The following EPHA5 variants were observed in gnomAD, a reference collection of about 807,000 sequenced individuals.
EPHA5 encodes the protein EPH receptor A5, also known as ephrin type-A receptor 5.
A neutral mutation model predicts 105.0 loss-of-function variants in EPHA5; 60 were observed. The ratio of observed to expected loss-of-function variants is 0.57; its 90% CI spans 0.46 to 0.71. The LOEUF (loss-of-function observed/expected upper bound fraction) is 0.71. Among genes scored for constraint, EPHA5 ranks in the 30% least tolerant of loss-of-function variants. EPHA5 has a pLI of 0.00. For synonymous variants in EPHA5, 513 were observed against 449.1 expected (o/e 1.14, Z -1.80); for missense variants, 1,218 against 1,274.7 (o/e 0.96, Z 0.68).
At chr4:65,365,887 A>T in intron 10 of EPHA5, 45 bp downstream of exon 10, 1 of 1,581,866 alleles carries the variant, frequency 6.3e-7, no homozygotes, top group South Asian at 1.1e-5. Context: ...TACATTCTGG[A>T]ATGCAAACAA....
chr4:65,541,007 C>T (rs962708588), intron 3 of EPHA5, among the ~76,000 whole-genome samples: 4 of 151,182 alleles, frequency 2.6e-5, no homozygotes, highest in Non-Finnish European at 5.9e-5. Flanking sequence ...AAAATACAAC[C>T]ATAATATCTC....
At chr4:65,503,893 C>T (rs80211850) in intron 3 of EPHA5, among the ~76,000 whole-genome samples, 6,329 of 131,286 alleles carry the variant, frequency 0.048, 218 homozygotes, top group African/African-American at 0.099. Flanking sequence ...ATTTTAATAG[C>T]ATTCATGTGT....
intron 2 of EPHA5, among the ~76,000 whole-genome samples, chr4:65,637,597 T>TATATATATAC (rs889288051): frequency 2.8e-5 from 4 of 144,534 alleles, no homozygotes; most frequent in African/African-American, 5.1e-5. Flanking sequence ...TATATATATA[T>TATATATATAC]ACGTATATGC....
intron 8 of EPHA5, among the ~76,000 whole-genome samples, chr4:65,392,318 T>C (rs1410697246): frequency 6.6e-6 from 1 of 152,148 alleles, no homozygotes; most frequent in Non-Finnish European, 1.5e-5. Context: ...TATTGCTAAC[T>C]CATAAGCTTC....
intron 3 of EPHA5, among the ~76,000 whole-genome samples, chr4:65,568,636 C>T (rs998919435): frequency 1.3e-5 from 2 of 150,490 alleles, no homozygotes; most frequent in Non-Finnish European, 3.0e-5. Context: ...TACTATCATC[C>T]CATTTTCAAA....
At chr4:65,416,182 A>G (rs1723365159) in intron 6 of EPHA5, among the ~76,000 whole-genome samples, 1 of 152,070 alleles carries the variant, frequency 6.6e-6, no homozygotes, top group Non-Finnish European at 1.5e-5. Context: ...ATTCTGATAG[A>G]CTTTATAAAA....
intron 1 of EPHA5, among the ~76,000 whole-genome samples, chr4:65,657,863 G>A (rs1749204604): frequency 7.0e-6 from 1 of 142,662 alleles, no homozygotes; most frequent in African/African-American, 2.7e-5. Flanking sequence ...TTACAGACAG[G>A]CAAGCTTTCT....
Position 65,490,472 on chromosome 4 carries a change from T to A in EPHA5, c.1307A>T (p.Asn436Ile), listed in dbSNP as rs2149212710. The A allele has an allele frequency of 6.2e-7, 1 of 1,614,162 alleles. No individual in the cohort carries two copies. Among genetic ancestry groups the A allele is most frequent in the Non-Finnish European group, 8.5e-7 (1 of 1,180,022 alleles). ...CACTGCCTCAATCTCAAAGGTATAG[T>A]TTGTGTGAGCGAGTAGATCCACCAT... ...VMMVDLLAHTNYTFEIEAVNG... is the reference protein window; with the variant it reads ...VMMVDLLAHTIYTFEIEAVNG... Residue 436 changes from asparagine to isoleucine, a missense_variant, in exon 5 of 17, where the codon AAC becomes ATC. Physicochemically the swap from Asn to Ile is moderately radical, Grantham distance 149 (BLOSUM62 -3). This residue lies in a region of EPHA5 where 971 missense variants were observed against 1,013.5 expected (regional missense o/e 0.96). Coordinates refer to ENST00000613740, the MANE Select transcript of EPHA5 (RefSeq NM_001281766.3).
intron 3 of EPHA5, among the ~76,000 whole-genome samples, chr4:65,554,401 C>T (rs981060157): frequency 2.7e-5 from 4 of 150,696 alleles, no homozygotes; most frequent in African/African-American, 7.3e-5. Context: ...CTTTATTAAC[C>T]AAATAATGAT....
intron 1 of EPHA5, among the ~76,000 whole-genome samples, chr4:65,659,319 G>GAAAAAAAAAAAAA (rs5858980): frequency 1.4e-5 from 1 of 71,612 alleles, no homozygotes; most frequent in African/African-American, 5.3e-5. Context: ...TAGAGTAACA[G>GAAAAAAAAAAAAA]AAAAAAAAAA....
chr4:65,528,124 G>A (rs1735415824), intron 3 of EPHA5, among the ~76,000 whole-genome samples: 1 of 151,914 alleles, frequency 6.6e-6, no homozygotes, highest in African/African-American at 2.4e-5. Flanking sequence ...ATAACAAAAT[G>A]TTTCCTAACC....
chr4:65,492,983 G>GTTTT (rs1483425055), intron 4 of EPHA5, among the ~76,000 whole-genome samples: 1 of 64,312 alleles, frequency 1.6e-5, no homozygotes. Context: ...CTTCTGTTTT[G>GTTTT]TTTTGTTTTG....
intron 1 of EPHA5, among the ~76,000 whole-genome samples, chr4:65,654,799 C>G (rs1471968630): frequency 6.9e-6 from 1 of 145,748 alleles, no homozygotes; most frequent in Non-Finnish European, 1.5e-5. Flanking sequence ...TGTTATAAAT[C>G]CTAAATTAGA....
chr4:65,485,276 C>A (rs774441026), intron 5 of EPHA5, among the ~76,000 whole-genome samples: 2 of 151,634 alleles, frequency 1.3e-5, no homozygotes, highest in African/African-American at 4.8e-5. Context: ...TATCATTTTT[C>A]CCTTCATCAT....
At chr4:65,522,425 T>C (rs2149283663) in intron 3 of EPHA5, among the ~76,000 whole-genome samples, 1 of 151,770 alleles carries the variant, frequency 6.6e-6, no homozygotes, top group African/African-American at 2.4e-5. Flanking sequence ...GAAAAGAATT[T>C]TGTGCACTCA....
chr4:65,454,291 A>AAAT lies in EPHA5; in HGVS notation c.1403-33729_1403-33727dup, dbSNP rs572468101. Reference sequence around the variant, plus strand: ...GCAAAACTCCATCTCTAATAATAATAAATAATAATAATAATAATAATATGA... The same window carrying AAAT: ...GCAAAACTCCATCTCTAATAATAATAAATAATAATAATAATAATAATAATATGA... On this transcript the variant is annotated intron_variant, in intron 5 of 16. Transcript: ENST00000613740. Among the ~76,000 whole-genome samples, 756 of 149,926 alleles carry AAAT rather than the reference A, an allele frequency of 5.0e-3. 6 individuals carry two copies. The highest frequency in any genetic ancestry group is 0.017 in the African/African-American group (681 of 41,032).
At chr4:65,468,604 T>C (rs4860667) in intron 5 of EPHA5, among the ~76,000 whole-genome samples, 314 of 1,520 alleles carry the variant, frequency 0.21, 6 homozygotes, top group Non-Finnish European at 0.41. Context: ...ATATATATAT[T>C]ATATATATTA....
chr4:65,364,947 C>T (rs1025899197), intron 11 of EPHA5, 70 bp downstream of exon 11: 79 of 1,289,502 alleles, frequency 6.1e-5, no homozygotes, highest in Non-Finnish European at 7.9e-5. Flanking sequence ...TCTCTTTACC[C>T]TAAATTAATA....
intron 5 of EPHA5, among the ~76,000 whole-genome samples, chr4:65,441,929 C>T (rs143901490): frequency 5.9e-5 from 9 of 152,038 alleles, no homozygotes; most frequent in African/African-American, 1.7e-4. Context: ...ATTTATAGAG[C>T]GTTCACCATG....
Sources: allele counts gnomAD v4.1 joint callset (sites outside exome capture counted in the v4.1 genomes callset), GRCh38; gene constraint gnomAD v4.1.1; regional missense constraint gnomAD v4.1.1; transcripts MANE v1.5; gene names NCBI Gene and HGNC (gene_info 2026-07-23, HGNC 2026-07-21).